Variants in HDAC4 observed in about 807,000 individuals in gnomAD.
HDAC4 encodes the protein histone deacetylase 4.
A neutral mutation model predicts 135.1 loss-of-function variants in HDAC4; 16 were observed. The ratio of observed to expected loss-of-function variants is 0.12; its 90% CI spans 0.08 to 0.18. The LOEUF (loss-of-function observed/expected upper bound fraction) is 0.18, where lower values mean the gene tolerates loss of function less well. Among genes scored for constraint, HDAC4 ranks in the 10% least tolerant of loss-of-function variants. The pLI is 1.00. For synonymous variants in HDAC4, 685 were observed against 653.4 expected (o/e 1.05, Z -0.74); for missense variants, 1,143 against 1,511.8 (o/e 0.76, Z 4.05).
intron 1 of HDAC4, among the ~76,000 whole-genome samples, chr2:239,384,552 G>A (rs60335189): frequency 1.1e-4 from 16 of 151,950 alleles, no homozygotes; most frequent in African/African-American, 3.6e-4. Context: ...AAGAGGTCAA[G>A]GCGGCAGTGA....
chr2:239,375,468 T>C (rs1001090366), intron 1 of HDAC4, among the ~76,000 whole-genome samples: 15 of 152,178 alleles, frequency 9.9e-5, no homozygotes, highest in South Asian at 4.2e-4. Flanking sequence ...GCGAAGCCCC[T>C]GCCTCAGGCC....
chr2:239,098,433 G>A lies in HDAC4; in HGVS notation c.2234-3377C>T, dbSNP rs140885665. Among the ~76,000 whole-genome samples the A allele has an allele frequency of 1.9e-3, 294 of 152,334 alleles. 1 individual carries two copies. The highest frequency in any genetic ancestry group is 3.4e-3 in the Non-Finnish European group (230 of 68,028). On this transcript the variant is annotated intron_variant, in intron 16 of 26. Transcript: ENST00000543185. ...GCTCCCTGGCTGGGAGGAGGCCCTCGCTGTGCCAAGTCATTTTCCTGCCGC... is the reference window on the plus strand; with the variant it reads ...GCTCCCTGGCTGGGAGGAGGCCCTCACTGTGCCAAGTCATTTTCCTGCCGC...
intron 1 of HDAC4, among the ~76,000 whole-genome samples, chr2:239,385,916 C>T (rs1305840732): frequency 6.6e-6 from 1 of 152,182 alleles, no homozygotes; most frequent in Non-Finnish European, 1.5e-5. Context: ...CCCAAACAAG[C>T]CCCGGAGGCA....
intron 2 of HDAC4, among the ~76,000 whole-genome samples, chr2:239,336,382 A>G (rs948503382): frequency 7.9e-5 from 12 of 152,204 alleles, no homozygotes; most frequent in Non-Finnish European, 1.5e-4. Context: ...CTTCAGTTAA[A>G]AAGTTCACTT....
At chr2:239,205,683 GGAA>G (rs2046001655) in intron 3 of HDAC4, among the ~76,000 whole-genome samples, 1 of 151,760 alleles carries the variant, frequency 6.6e-6, no homozygotes, top group African/African-American at 2.4e-5. Context: ...GAAAGAAGAA[GGAA>G]GAGGAGGAGG....
chr2:239,313,580 C>G lies in HDAC4; in HGVS notation c.22+39098G>C, dbSNP rs1197273206. 2.0e-5 allele frequency among the ~76,000 whole-genome samples: 3 copies of G among 152,150 alleles called. No individual in the cohort carries two copies. Among genetic ancestry groups the G allele is most frequent in the Non-Finnish European group, 4.4e-5 (3 of 68,026 alleles). On this transcript the variant is annotated intron_variant, in intron 2 of 26. Transcript: ENST00000543185. This position sits in a 1 kb window ranked among gnomAD's most constrained non-coding sequence, Gnocchi z 5.1. ...CTTCGCAAACACAGCTGGTCAGGCC[C>G]TTAGCACCTCCTGACCCCCCGATCT...
chr2:239,307,763 T>C lies in HDAC4; in HGVS notation c.22+44915A>G, dbSNP rs747698921. On this transcript the variant is annotated intron_variant, in intron 2 of 26. Coordinates refer to ENST00000543185, the MANE Select transcript of HDAC4 (RefSeq NM_001378414.1). The surrounding 1 kb of genome is among the most constrained non-coding windows in gnomAD (Gnocchi z 4.8). ...AAGTTCTCTTTTAGAACAAGCAAAA[T>C]GGAATGAGGATGTCGGAGTGTTTCG... Among the ~76,000 whole-genome samples the C allele has an allele frequency of 6.6e-6, 1 of 152,122 alleles. No homozygotes were observed. Among genetic ancestry groups the C allele is most frequent in the Admixed American group, 6.5e-5 (1 of 15,280 alleles).
intron 23 of HDAC4, among the ~76,000 whole-genome samples, chr2:239,067,836 A>G (rs2033721018): frequency 6.6e-6 from 1 of 152,148 alleles, no homozygotes; most frequent in Non-Finnish European, 1.5e-5. Flanking sequence ...TGGGGCCTTG[A>G]GGGCATCACC....
rs2041739682 is a variant in HDAC4, at chr2:239,146,056, G to A, written c.734-1342C>T. 6.6e-6 allele frequency among the ~76,000 whole-genome samples: 1 copy of A among 152,208 alleles called. No individual in the cohort carries two copies. ...GCAGGGAGCGAGGCCTCTGTGCTGT[G>A]GCACGGGGGACCTGGATGACGACAG... On this transcript the variant is annotated intron_variant, in intron 7 of 26. Coordinates refer to ENST00000543185, the MANE Select transcript of HDAC4 (RefSeq NM_001378414.1). The surrounding 1 kb of genome is among the most constrained non-coding windows in gnomAD (Gnocchi z 4.5).
chr2:239,114,385 G>C (rs2038946637), intron 13 of HDAC4, among the ~76,000 whole-genome samples: 1 of 152,196 alleles, frequency 6.6e-6, no homozygotes, highest in Non-Finnish European at 1.5e-5. Flanking sequence ...TGCCTACAGG[G>C]AGGAAGCCAC....
intron 2 of HDAC4, among the ~76,000 whole-genome samples, chr2:239,241,068 C>T (rs1367588188): frequency 1.3e-5 from 2 of 152,104 alleles, no homozygotes; most frequent in Non-Finnish European, 2.9e-5. Flanking sequence ...GGAGTGAGCA[C>T]CAGCCGGAAT....
intron 6 of HDAC4, among the ~76,000 whole-genome samples, chr2:239,162,565 C>A (rs751929340): frequency 3.3e-5 from 5 of 152,222 alleles, no homozygotes; most frequent in Admixed American, 1.3e-4. Flanking sequence ...CGGTTGCCAG[C>A]GATTCTCAGG....
At chr2:239,340,590 A>G (rs1692237457) in intron 2 of HDAC4, among the ~76,000 whole-genome samples, 1 of 152,178 alleles carries the variant, frequency 6.6e-6, no homozygotes, top group South Asian at 2.1e-4. Flanking sequence ...GCACCTTATC[A>G]TTCTGTTACA....
chr2:239,294,557 C>T (rs1021275463), intron 2 of HDAC4, among the ~76,000 whole-genome samples: 5 of 152,126 alleles, frequency 3.3e-5, no homozygotes, highest in Admixed American at 2.0e-4. Flanking sequence ...AGGTGGGGCT[C>T]TCTCTTTCTG....
chr2:239,080,056 A>C (rs1267375830), intron 22 of HDAC4, among the ~76,000 whole-genome samples: 1 of 150,850 alleles, frequency 6.6e-6, no homozygotes, highest in Non-Finnish European at 1.5e-5. Flanking sequence ...ACCCACCCAC[A>C]CAGACACACA....
chr2:239,074,063 G>GCAGGACTGAGGGGGCCA, intron 22 of HDAC4, among the ~76,000 whole-genome samples: 3 of 150,782 alleles, frequency 2.0e-5, no homozygotes, highest in Non-Finnish European at 3.0e-5. Context: ...GAGTGGGGAA[G>GCAGGACTGAGGGGGCCA]CAGGACTGAG....
At chr2:239,089,803 T>C (rs1365676139) in intron 18 of HDAC4, 4 of 590,770 alleles carry the variant, frequency 6.8e-6, no homozygotes, top group African/African-American at 3.7e-5. Context: ...TGAGAATCTC[T>C]GTACTATGCA....
chr2:239,230,068 A>G (rs2047451817), intron 3 of HDAC4, among the ~76,000 whole-genome samples: 1 of 152,078 alleles, frequency 6.6e-6, no homozygotes, highest in South Asian at 2.1e-4. Flanking sequence ...GGAACCGGGA[A>G]TCTTACTGCT....
At chr2:239,318,274 C>A (rs1021326234) in intron 2 of HDAC4, among the ~76,000 whole-genome samples, 1 of 152,340 alleles carries the variant, frequency 6.6e-6, no homozygotes, top group South Asian at 2.1e-4. Flanking sequence ...CGAAATACTG[C>A]GGTGGCCGCC....
Sources: allele counts gnomAD v4.1 joint callset (sites outside exome capture counted in the v4.1 genomes callset), GRCh38; gene constraint gnomAD v4.1.1; non-coding constraint Gnocchi (gnomAD v3.1); transcripts MANE v1.5; gene names NCBI Gene and HGNC (gene_info 2026-07-23, HGNC 2026-07-21).